Variants in EPC1 observed in about 807,000 individuals in gnomAD.
EPC1 encodes enhancer of polycomb homolog 1.
In EPC1, 12 loss-of-function variants were observed where a neutral mutation model predicts 98.4. The observed-to-expected ratio is 0.12, with a 90% CI of 0.08 to 0.20. The LOEUF (loss-of-function observed/expected upper bound fraction) is 0.20, where lower values mean the gene tolerates loss of function less well. Among genes scored for constraint, EPC1 ranks in the 10% least tolerant of loss-of-function variants. The pLI is 1.00. For missense variants in EPC1, 729 were observed against 990.5 expected (o/e 0.74, Z 3.54); for synonymous variants, 357 against 363.9 (o/e 0.98, Z 0.21).
chr10:32,352,780 T>G (rs1326763175), intron 1 of EPC1, among the ~76,000 whole-genome samples: 2 of 152,236 alleles, frequency 1.3e-5, no homozygotes, highest in Non-Finnish European at 2.9e-5. Context: ...ACAGCCCTGT[T>G]AGGTATTTCC....
At chr10:32,295,668 T>C (rs1018880358) in intron 2 of EPC1, among the ~76,000 whole-genome samples, 3 of 152,174 alleles carry the variant, frequency 2.0e-5, no homozygotes, top group Admixed American at 2.0e-4. Flanking sequence ...ATAATGCAGG[T>C]CTATGTTGTC....
chr10:32,361,611 A>C (rs1345600863), intron 1 of EPC1, among the ~76,000 whole-genome samples: 1 of 151,670 alleles, frequency 6.6e-6, no homozygotes, highest in African/African-American at 2.4e-5. Flanking sequence ...CCTTTTACCC[A>C]CCCCCAATCA....
upstream of EPC1, among the ~76,000 whole-genome samples, chr10:32,349,386 G>A (rs1839045359): frequency 6.6e-6 from 1 of 152,112 alleles, no homozygotes; most frequent in Admixed American, 6.5e-5. Flanking sequence ...CACCCTCCGT[G>A]GCAAATTCAC....
At chr10:32,335,499 TTCC>T (rs1837903129) in intron 1 of EPC1, among the ~76,000 whole-genome samples, 6 of 150,764 alleles carry the variant, frequency 4.0e-5, no homozygotes, top group Non-Finnish European at 8.9e-5. Context: ...GCTGTTTATT[TTCC>T]CATATGCCAC....
chr10:32,365,642 T>C (rs1221809128), intron 1 of EPC1, among the ~76,000 whole-genome samples: 1 of 130,216 alleles, frequency 7.7e-6, no homozygotes, highest in African/African-American at 2.9e-5. Flanking sequence ...GTGAAACCCC[T>C]GTCTCTACTA....
At chr10:32,336,136 T>C (rs1837953805) in intron 1 of EPC1, among the ~76,000 whole-genome samples, 1 of 151,378 alleles carries the variant, frequency 6.6e-6, no homozygotes, top group Non-Finnish European at 1.5e-5. Context: ...TGGCACGATC[T>C]CGGCTCACTG....
At chr10:32,333,169 C>G (rs547496821) in intron 1 of EPC1, among the ~76,000 whole-genome samples, 2 of 152,100 alleles carry the variant, frequency 1.3e-5, no homozygotes, top group Non-Finnish European at 2.9e-5. Flanking sequence ...GGCGAAACCC[C>G]GTCTCTACTA....
intron 10 of EPC1, among the ~76,000 whole-genome samples, chr10:32,278,361 GTTTTTTTTTGTTT>G (rs1209621051): frequency 1.6e-5 from 2 of 122,630 alleles, no homozygotes; most frequent in Non-Finnish European, 3.3e-5. Context: ...GTATACTTTG[GTTTTTTTTTGTTT>G]TTTTTTTTTT....
chr10:32,324,139 A>G (rs1338769076), intron 1 of EPC1, among the ~76,000 whole-genome samples: 2 of 151,736 alleles, frequency 1.3e-5, no homozygotes, highest in East Asian at 2.0e-4. Context: ...GGGTTTCACC[A>G]TGTTAGCCAG....
At chr10:32,301,289 G>C (rs561894841) in intron 2 of EPC1, among the ~76,000 whole-genome samples, 16 of 152,098 alleles carry the variant, frequency 1.1e-4, no homozygotes, top group Non-Finnish European at 2.2e-4. Flanking sequence ...AAAAAGACCT[G>C]AATACTTCAA....
Position 32,328,338 on chromosome 10 carries a change from G to GTTTA in EPC1, c.153+18421_153+18424dup, listed in dbSNP as rs527247701. ...AGCCCAACAGGTTACCGGTAGCAGC[G>GTTTA]TTTATAAGACATACATCTGGTAAAG... On this transcript the variant is annotated intron_variant, in intron 1 of 13. Transcript: ENST00000319778. Among the ~76,000 whole-genome samples the GTTTA allele has an allele frequency of 3.2e-3, 488 of 152,268 alleles. 1 individual carries two copies. Among genetic ancestry groups the GTTTA allele is most frequent in the African/African-American group, 0.011 (452 of 41,554 alleles).
At chr10:32,306,465 T>C (rs1390712911) in intron 1 of EPC1, among the ~76,000 whole-genome samples, 2 of 152,176 alleles carry the variant, frequency 1.3e-5, no homozygotes, top group Non-Finnish European at 2.9e-5. Flanking sequence ...TGATAACCTT[T>C]CATACACATT....
At chr10:32,328,915 C>A (rs1299010691) in intron 1 of EPC1, among the ~76,000 whole-genome samples, 1 of 152,212 alleles carries the variant, frequency 6.6e-6, no homozygotes, top group African/African-American at 2.4e-5. Flanking sequence ...GAAACACATA[C>A]AGGTCTGATA....
intron 1 of EPC1, among the ~76,000 whole-genome samples, chr10:32,359,999 G>A (rs1353454222): frequency 4.0e-5 from 6 of 150,462 alleles, no homozygotes; most frequent in African/African-American, 9.8e-5. Flanking sequence ...TGTATCATTC[G>A]TATGTTTGTA....
At chr10:32,302,770 G>A (rs1302232458) in intron 2 of EPC1, among the ~76,000 whole-genome samples, 1 of 152,008 alleles carries the variant, frequency 6.6e-6, no homozygotes, top group Non-Finnish European at 1.5e-5. Context: ...TAGCCATTTA[G>A]GAAAATGTAA....
chr10:32,378,306 G>GAA (rs11443059), intron 1 of EPC1, among the ~76,000 whole-genome samples: 40 of 150,242 alleles, frequency 2.7e-4, no homozygotes, highest in South Asian at 2.1e-4. Context: ...CTTTAACAAT[G>GAA]AAAAAAAAAA....
intron 1 of EPC1, among the ~76,000 whole-genome samples, chr10:32,331,532 G>GAA (rs34450222): frequency 3.8e-4 from 58 of 150,934 alleles, no homozygotes; most frequent in African/African-American, 7.8e-4. Context: ...TACTTCAAAT[G>GAA]AAAAAAAAAT....
intron 1 of EPC1, among the ~76,000 whole-genome samples, chr10:32,356,615 C>G (rs981404591): frequency 6.6e-6 from 1 of 152,054 alleles, no homozygotes; most frequent in African/African-American, 2.4e-5. Context: ...TTTAGGACAC[C>G]GTGGGAGGAA....
intron 1 of EPC1, among the ~76,000 whole-genome samples, chr10:32,354,797 T>G (rs903946883): frequency 1.3e-5 from 2 of 152,106 alleles, no homozygotes; most frequent in African/African-American, 4.8e-5. Flanking sequence ...CCACCCAAGC[T>G]TCACCCGGCA....
Sources: gnomAD v4.1 joint callset for allele counts (sites outside exome capture counted in the v4.1 genomes callset) on GRCh38, gnomAD v4.1.1 for gene constraint, MANE v1.5 for transcripts, NCBI Gene and HGNC (gene_info 2026-07-23, HGNC 2026-07-21) for gene names.